Variants in EFNA5 observed in about 807,000 individuals in gnomAD.
The protein encoded by EFNA5 is ephrin A5.
EFNA5 carries 5 observed loss-of-function variants against 22.9 expected under a neutral mutation model. That is an observed-to-expected ratio of 0.22 (90% CI 0.11 to 0.46). The LOEUF (loss-of-function observed/expected upper bound fraction) is 0.46. Ranked by LOEUF, EFNA5 falls within the 20% of genes least tolerant of loss-of-function variation. The probability of loss-of-function intolerance (pLI) is 0.99; values close to 1 mark genes in which losing one functional copy is unlikely to be tolerated. For missense variants in EFNA5, 237 were observed against 293.3 expected, an observed-to-expected ratio of 0.81 and a Z score of 1.40; for synonymous variants, 113 against 112.2, an observed-to-expected ratio of 1.01 and a Z score of -0.04.
chr5:107,428,477 ATC>A (rs2112422345), intron 1 of EFNA5, among the ~76,000 whole-genome samples: 1 of 152,370 alleles, frequency 6.6e-6, no homozygotes, highest in Non-Finnish European at 1.5e-5. Context: ...AGTTTTGCTT[ATC>A]TGTTTTAACT....
intron 1 of EFNA5, among the ~76,000 whole-genome samples, chr5:107,661,540 CCACATTCCGA>C (rs1561463301): frequency 6.6e-6 from 1 of 152,198 alleles, no homozygotes; most frequent in Non-Finnish European, 1.5e-5. Flanking sequence ...GTCACCGCTT[CCACATTCCGA>C]CATCTGTCTG....
intron 1 of EFNA5, among the ~76,000 whole-genome samples, chr5:107,616,864 G>A (rs1205867866): frequency 6.6e-6 from 1 of 152,118 alleles, no homozygotes; most frequent in African/African-American, 2.4e-5. Context: ...TAATTTGAAT[G>A]AGTTCAGGTC....
chr5:107,417,921 T>A (rs1439561791), intron 2 of EFNA5, among the ~76,000 whole-genome samples: 1 of 152,214 alleles, frequency 6.6e-6, no homozygotes, highest in Non-Finnish European at 1.5e-5. Flanking sequence ...TGGGAAAGTC[T>A]GTAGAAATAG....
intron 1 of EFNA5, among the ~76,000 whole-genome samples, chr5:107,521,673 G>A (rs1356624683): frequency 7.2e-5 from 11 of 151,886 alleles, no homozygotes; most frequent in Admixed American, 1.3e-4. Context: ...GCCCAGCTTC[G>A]TGACAGATAC....
chr5:107,582,322 G>A (rs1238885790), intron 1 of EFNA5, among the ~76,000 whole-genome samples: 1 of 152,210 alleles, frequency 6.6e-6, no homozygotes, highest in Non-Finnish European at 1.5e-5. Context: ...TTCATGAATT[G>A]TTCCACATAT....
chr5:107,556,138 T>C (rs761988635), intron 1 of EFNA5, among the ~76,000 whole-genome samples: 25 of 152,210 alleles, frequency 1.6e-4, no homozygotes, highest in Non-Finnish European at 2.4e-4. Context: ...TAAACTGCCT[T>C]TGTGGATAAA....
intron 1 of EFNA5, among the ~76,000 whole-genome samples, chr5:107,535,524 G>A (rs566911958): frequency 6.6e-6 from 1 of 151,994 alleles, no homozygotes; most frequent in East Asian, 1.9e-4. Flanking sequence ...TTAATCAAAT[G>A]ATAAAGTTTG....
intron 1 of EFNA5, among the ~76,000 whole-genome samples, chr5:107,483,706 T>C (rs924171446): frequency 2.0e-5 from 3 of 152,242 alleles, no homozygotes; most frequent in Non-Finnish European, 4.4e-5. Flanking sequence ...GTATGACTTT[T>C]AAGAGAAATT....
intron 1 of EFNA5, among the ~76,000 whole-genome samples, chr5:107,526,832 A>C (rs1747705596): frequency 6.6e-6 from 1 of 152,220 alleles, no homozygotes; most frequent in Non-Finnish European, 1.5e-5. Flanking sequence ...TCAATATAGT[A>C]ATAAAATAGC....
chr5:107,649,556 C>T (rs562798572), intron 1 of EFNA5, among the ~76,000 whole-genome samples: 9 of 152,230 alleles, frequency 5.9e-5, no homozygotes, highest in African/African-American at 2.2e-4. Context: ...TACTTTCTCA[C>T]TGAATCAACA....
chr5:107,664,576 C>T (rs947547496), intron 1 of EFNA5, among the ~76,000 whole-genome samples: 1 of 152,232 alleles, frequency 6.6e-6, no homozygotes, highest in African/African-American at 2.4e-5. Flanking sequence ...AGACCACCAT[C>T]GTAAGACAAA....
chr5:107,613,017 G>C (rs1749851112), intron 1 of EFNA5, among the ~76,000 whole-genome samples: 1 of 151,972 alleles, frequency 6.6e-6, no homozygotes, highest in Non-Finnish European at 1.5e-5. Context: ...TCTACGAACA[G>C]TGATACAGTA....
chr5:107,535,467 A>G (rs1329356126), intron 1 of EFNA5, among the ~76,000 whole-genome samples: 5 of 152,226 alleles, frequency 3.3e-5, no homozygotes, highest in Non-Finnish European at 7.3e-5. Flanking sequence ...CATAGAGTCA[A>G]AAATAAAACA....
In EFNA5 at chr5:107,409,474, T is replaced by C. The variant is rs530180079; in HGVS notation, c.418+17743A>G. ...TACCAGACGAGAAACTACTGAGTATTGCTAGGGATTGCAAAACTGGCTAGT... is the reference window on the plus strand; with the variant it reads ...TACCAGACGAGAAACTACTGAGTATCGCTAGGGATTGCAAAACTGGCTAGT... On this transcript the variant is annotated intron_variant, in intron 2 of 4. Coordinates refer to ENST00000333274, the MANE Select transcript of EFNA5 (RefSeq NM_001962.3). Among the ~76,000 whole-genome samples, 66 of 152,318 alleles carry C rather than the reference T, an allele frequency of 4.3e-4. 1 individual carries two copies. In the East Asian group the frequency reaches 0.012, roughly 28 times the overall value.
intron 1 of EFNA5, among the ~76,000 whole-genome samples, chr5:107,604,699 A>G (rs1226882054): frequency 6.6e-6 from 1 of 152,218 alleles, no homozygotes; most frequent in Admixed American, 6.5e-5. Context: ...ATCTATATTC[A>G]TCACTGCCAG....
At chr5:107,528,823 T>C (rs182399790) in intron 1 of EFNA5, among the ~76,000 whole-genome samples, 104 of 152,338 alleles carry the variant, frequency 6.8e-4, no homozygotes, top group South Asian at 1.4e-3. Flanking sequence ...AAATTGTGAC[T>C]GATAGGTATA....
At chr5:107,648,917 AAAC>A (rs1332682912) in intron 1 of EFNA5, among the ~76,000 whole-genome samples, 6 of 152,192 alleles carry the variant, frequency 3.9e-5, no homozygotes, top group African/African-American at 1.4e-4. Flanking sequence ...TTAACTGAAA[AAAC>A]AAAGTTGGAG....
chr5:107,430,055 ATTTTTT>A (rs1209776569), intron 1 of EFNA5, among the ~76,000 whole-genome samples: 1 of 152,090 alleles, frequency 6.6e-6, no homozygotes, highest in African/African-American at 2.4e-5. Flanking sequence ...CTACATAACC[ATTTTTT>A]TAAAAACCGA....
chr5:107,554,983 G>T (rs1477440056), intron 1 of EFNA5, among the ~76,000 whole-genome samples: 1 of 152,120 alleles, frequency 6.6e-6, no homozygotes, highest in African/African-American at 2.4e-5. Flanking sequence ...CTCTAGCTGG[G>T]CTCTGAACAA....
Sources: gnomAD v4.1 joint callset for allele counts (sites outside exome capture counted in the v4.1 genomes callset) on GRCh38, gnomAD v4.1.1 for gene constraint, MANE v1.5 for transcripts, NCBI Gene and HGNC (gene_info 2026-07-23, HGNC 2026-07-21) for gene names.